SGCG: variants seen among roughly 807,000 people sequenced by gnomAD.
SGCG encodes gamma-sarcoglycan.
In SGCG, 26 loss-of-function variants were observed where a neutral mutation model predicts 29.3. The observed-to-expected ratio is 0.89, with a 90% CI of 0.65 to 1.23. The LOEUF (loss-of-function observed/expected upper bound fraction) is 1.23. SGCG is among the 50% of genes most tolerant of loss of function. The pLI is 0.00. For missense variants in SGCG, 353 were observed against 356.0 expected (o/e 0.99, Z 0.07); for synonymous variants, 145 against 129.7 (o/e 1.12, Z -0.80).
At chr13:23,275,444 A>G (rs1593213249) in intron 4 of SGCG, among the ~76,000 whole-genome samples, 2 of 151,684 alleles carry the variant, frequency 1.3e-5, no homozygotes, top group African/African-American at 4.8e-5. Flanking sequence ...CGGAGGTTGC[A>G]GTGAGCTGAG....
chr13:23,217,696 A>G (rs1878486662), intron 2 of SGCG, among the ~76,000 whole-genome samples: 1 of 151,404 alleles, frequency 6.6e-6, no homozygotes, highest in African/African-American at 2.4e-5. Flanking sequence ...AGCATCTAGT[A>G]TACTGCTACC....
At chr13:23,304,289 A>T (rs1173632422) in intron 6 of SGCG, among the ~76,000 whole-genome samples, 1 of 152,132 alleles carries the variant, frequency 6.6e-6, no homozygotes, top group Non-Finnish European at 1.5e-5. Flanking sequence ...GTTTGAATTT[A>T]ACATGTTTCT....
intron 4 of SGCG, among the ~76,000 whole-genome samples, chr13:23,278,425 A>G (rs1167162889): frequency 6.8e-6 from 1 of 147,890 alleles, no homozygotes; most frequent in Non-Finnish European, 1.5e-5. Context: ...CCTGGGCGAC[A>G]TGAGCGAAAC....
upstream of SGCG, among the ~76,000 whole-genome samples, chr13:23,177,440 A>G (rs1314055849): frequency 2.0e-5 from 3 of 152,246 alleles, no homozygotes; most frequent in Non-Finnish European, 1.5e-5. Context: ...ATAAAAAATT[A>G]TCCTGATTTG....
At chr13:23,234,432 C>T (rs766438925) in intron 2 of SGCG, among the ~76,000 whole-genome samples, 179 bp from the exon 3 acceptor site, 1 of 151,584 alleles carries the variant, frequency 6.6e-6, no homozygotes, top group Non-Finnish European at 1.5e-5. Flanking sequence ...TGTATTTATA[C>T]AAGATTTAAT....
At chr13:23,304,663 G>A (rs1329235834) in intron 6 of SGCG, among the ~76,000 whole-genome samples, 1 of 152,030 alleles carries the variant, frequency 6.6e-6, no homozygotes, top group Non-Finnish European at 1.5e-5. Flanking sequence ...GAGTGCAGTG[G>A]CAGGATCCCA....
At chr13:23,198,568 C>T (rs1219045255) in intron 1 of SGCG, among the ~76,000 whole-genome samples, 3 of 152,048 alleles carry the variant, frequency 2.0e-5, no homozygotes, top group Non-Finnish European at 4.4e-5. Flanking sequence ...ATAGCATGGC[C>T]GGGCGCGGTG....
chr13:23,318,790 G>A (rs939554992), intron 6 of SGCG, among the ~76,000 whole-genome samples: 4 of 152,114 alleles, frequency 2.6e-5, no homozygotes, highest in Admixed American at 6.5e-5. Context: ...TCTTAGCAGC[G>A]TCCCATTATA....
chr13:23,249,748 C>T (rs1418232881), intron 3 of SGCG, among the ~76,000 whole-genome samples: 1 of 151,886 alleles, frequency 6.6e-6, no homozygotes, highest in Admixed American at 6.6e-5. Context: ...TCAAAAGCCA[C>T]AATGGACAGC....
At chr13:23,187,203 A>C (rs1303397945) in intron 1 of SGCG, among the ~76,000 whole-genome samples, 1 of 152,182 alleles carries the variant, frequency 6.6e-6, no homozygotes, top group Non-Finnish European at 1.5e-5. Flanking sequence ...AGCTGTGTCA[A>C]CTGGGTGAGC....
intron 3 of SGCG, among the ~76,000 whole-genome samples, chr13:23,248,815 A>ACC (rs1417534037): frequency 6.6e-6 from 1 of 151,442 alleles, no homozygotes. Context: ...ACACGGTGAA[A>ACC]CCCCGTCTCT....
chr13:23,279,275 AG>A, intron 4 of SGCG, 83 bp from the exon 5 acceptor site: 1 of 1,262,356 alleles, frequency 7.9e-7, no homozygotes, highest in Non-Finnish European at 1.1e-6. Context: ...TTGGTATTGT[AG>A]GGTTGACGTG....
At chr13:23,206,021 T>G (rs1462502080) in intron 2 of SGCG, among the ~76,000 whole-genome samples, 1 of 152,230 alleles carries the variant, frequency 6.6e-6, no homozygotes, top group East Asian at 1.9e-4. Context: ...GTAATTACCT[T>G]AGGTGCATGA....
intron 2 of SGCG, among the ~76,000 whole-genome samples, chr13:23,221,663 T>G (rs565058703): frequency 3.3e-5 from 5 of 152,316 alleles, no homozygotes; most frequent in African/African-American, 1.2e-4. Flanking sequence ...ATATGAGAGA[T>G]AGGCTCAAAC....
intron 4 of SGCG, among the ~76,000 whole-genome samples, chr13:23,269,518 A>G (rs1332711203): frequency 2.0e-5 from 3 of 152,116 alleles, no homozygotes; most frequent in Non-Finnish European, 4.4e-5. Flanking sequence ...AGTCTTTTCC[A>G]TTTTAGGTTT....
rs1880944328 is a variant in SGCG, at chr13:23,273,474, C to T, written c.386-5885C>T. ...CGCTGGGATTACAGATGTGAGCTACCACGCCCAGCCAGTTGATATTTTTAT... is the reference window on the plus strand; with the variant it reads ...CGCTGGGATTACAGATGTGAGCTACTACGCCCAGCCAGTTGATATTTTTAT... On this transcript the variant is annotated intron_variant, in intron 4 of 7. Coordinates refer to ENST00000218867, the MANE Select transcript of SGCG (RefSeq NM_000231.3). 2.0e-5 allele frequency among the ~76,000 whole-genome samples: 3 copies of T among 152,294 alleles called. No homozygotes were observed. The South Asian group carries it at 6.2e-4, about 32-fold the overall frequency.
rs139080251 is a variant in SGCG at position 23,201,182 on chromosome 13, G to A, written c.1-2513G>A. Among the ~76,000 whole-genome samples the A allele has an allele frequency of 3.3e-3, 503 of 152,218 alleles. 2 individuals are homozygous for A. Among genetic ancestry groups the A allele is most frequent in the African/African-American group, 0.011 (474 of 41,546 alleles). ...GTGCTGATTAGGGGACCTAAGAGCT[G>A]GCCTCATAACAGGATTGCTGTCAGC... On this transcript the variant is annotated intron_variant, in intron 1 of 7. Transcript: ENST00000218867.
chr13:23,259,937 A>G (rs1223435358), intron 4 of SGCG, among the ~76,000 whole-genome samples: 2 of 143,872 alleles, frequency 1.4e-5, no homozygotes, highest in African/African-American at 4.9e-5. Flanking sequence ...GTTCTTTTAC[A>G]TTTGCTGAGG....
At chr13:23,322,665 C>T (rs986733108) in intron 7 of SGCG, among the ~76,000 whole-genome samples, 1 of 151,846 alleles carries the variant, frequency 6.6e-6, no homozygotes, top group African/African-American at 2.4e-5. Context: ...CATCCATGGA[C>T]GCTGTTAGTA....
Sources: gnomAD v4.1 joint callset for allele counts (sites outside exome capture counted in the v4.1 genomes callset) on GRCh38, gnomAD v4.1.1 for gene constraint, MANE v1.5 for transcripts, NCBI Gene and HGNC (gene_info 2026-07-23, HGNC 2026-07-21) for gene names.